Variants in ZNF777 observed in about 807,000 individuals in gnomAD.
ZNF777 encodes the protein zinc finger protein 777.
In ZNF777, 7 loss-of-function variants were observed where a neutral mutation model predicts 72.1. The observed-to-expected ratio is 0.10, with a 90% CI of 0.06 to 0.18. The LOEUF (loss-of-function observed/expected upper bound fraction) is 0.18. Ranked by LOEUF, ZNF777 falls within the 10% of genes least tolerant of loss-of-function variation. The pLI is 1.00. For missense variants in ZNF777, 828 were observed against 1,128.6 expected, an observed-to-expected ratio of 0.73 and a Z score of 3.82; for synonymous variants, 545 against 483.5, an observed-to-expected ratio of 1.13 and a Z score of -1.67.
chr7:149,433,041 G>C, intron 5 of ZNF777, 109 bp from the exon 6 acceptor site: 1 of 1,396,050 alleles, frequency 7.2e-7, no homozygotes, highest in South Asian at 1.8e-5. Context: ...TGCATTATTG[G>C]CCCAAATTCC....
At chr7:149,446,054 C>T (rs1046906512) in intron 4 of ZNF777, among the ~76,000 whole-genome samples, 2 of 152,164 alleles carry the variant, frequency 1.3e-5, no homozygotes, top group African/African-American at 4.8e-5. Flanking sequence ...TGCTGTTTCT[C>T]CTTTCTTTTT....
chr7:149,447,596 C>G (rs1036770386), intron 4 of ZNF777, among the ~76,000 whole-genome samples: 1 of 152,218 alleles, frequency 6.6e-6, no homozygotes, highest in African/African-American at 2.4e-5. Context: ...AGCCACTTCT[C>G]TCTCAGGGCG....
intron 5 of ZNF777, 26 bp from the exon 6 acceptor site, chr7:149,432,958 T>C (rs765861272): frequency 1.7e-5 from 25 of 1,452,610 alleles, no homozygotes; most frequent in Non-Finnish European, 2.3e-5. Context: ...AGAGAGAAAG[T>C]CGTTAGCTGC....
At chr7:149,445,121 TC>T (rs1799581176) in intron 4 of ZNF777, among the ~76,000 whole-genome samples, 1 of 152,166 alleles carries the variant, frequency 6.6e-6, no homozygotes, top group Non-Finnish European at 1.5e-5. Flanking sequence ...GTGCTTATCC[TC>T]CAACACTGCT....
Position 149,432,469 on chromosome 7 carries a change from G to C in ZNF777, c.1803C>G (p.Gly601=). 1.9e-6 allele frequency: 3 copies of C among 1,613,684 alleles called. No homozygotes were observed. The Admixed American group carries it at 5.0e-5, about 27-fold the overall frequency. Residue 601 remains glycine, a synonymous_variant, in exon 6 of 6, where the codon GGC becomes GGG. Coordinates refer to ENST00000247930, the MANE Select transcript of ZNF777 (RefSeq NM_015694.3). ...LHQRIHRVRG[G]CVSPERGPTF... ...TGGGCCCGCGTTCGGGTGAGACGCA[G>C]CCTCCGCGCACGCGGTGGATGCGCT... is the stretch of plus-strand genomic sequence containing the variant.
intron 3 of ZNF777, among the ~76,000 whole-genome samples, chr7:149,451,833 A>G (rs1038293543): frequency 6.6e-6 from 1 of 152,256 alleles, no homozygotes; most frequent in South Asian, 2.1e-4. Context: ...AATATTATAC[A>G]TATATATACA....
intron 1 of ZNF777, among the ~76,000 whole-genome samples, chr7:149,458,187 A>T (rs1799869520): frequency 6.6e-6 from 1 of 152,228 alleles, no homozygotes; most frequent in South Asian, 2.1e-4. Context: ...GTCCTCAAAA[A>T]AGACAAAAGG....
intron 4 of ZNF777, among the ~76,000 whole-genome samples, chr7:149,449,741 T>C (rs976120859): frequency 1.3e-5 from 2 of 152,206 alleles, no homozygotes; most frequent in East Asian, 1.9e-4. Context: ...TGTGCCACAC[T>C]GTCACCAATC....
intron 1 of ZNF777, 93 bp from the exon 2 acceptor site, chr7:149,456,130 C>T (rs941936645): frequency 7.2e-6 from 10 of 1,391,092 alleles, no homozygotes; most frequent in Non-Finnish European, 8.5e-6. Flanking sequence ...ATAAAAAGTG[C>T]TTCCGTTTGG....
At chr7:149,456,434 G>A (rs750937439) in intron 1 of ZNF777, among the ~76,000 whole-genome samples, 9 of 152,162 alleles carry the variant, frequency 5.9e-5, no homozygotes, top group Non-Finnish European at 1.0e-4. Flanking sequence ...TTAGTGTCCT[G>A]TGTCCTCATC....
In ZNF777 at chr7:149,448,510, T is replaced by TATATATATATATATATAA. The variant is rs1351675498; in HGVS notation, c.1087+2488_1087+2489insTTATATATATATATATAT. ...CTATATATATATATATATATATATATAACTATATATAGTTATACATATAGT... is the reference window on the plus strand; with the variant it reads ...CTATATATATATATATATATATATATATATATATATATATATAAAACTATATATAGTTATACATATAGT... On this transcript the variant is annotated intron_variant, in intron 4 of 5. Coordinates refer to ENST00000247930, the MANE Select transcript of ZNF777 (RefSeq NM_015694.3). 4.3e-3 allele frequency among the ~76,000 whole-genome samples: 525 copies of TATATATATATATATATAA among 122,256 alleles called. 23 individuals are homozygous for TATATATATATATATATAA. The highest frequency in any genetic ancestry group is 0.016 in the African/African-American group (408 of 26,286). The allele number at this position is 122,256 out of a possible 152,430, so 80.2% of individuals were successfully genotyped here.
intron 4 of ZNF777, 84 bp downstream of exon 4, chr7:149,450,915 T>C: frequency 2.4e-6 from 3 of 1,266,242 alleles, no homozygotes; most frequent in Non-Finnish European, 3.4e-6. Flanking sequence ...AGGGCCTACC[T>C]TGGATTGTGC....
At chr7:149,439,275 G>A (rs768908240) in intron 4 of ZNF777, among the ~76,000 whole-genome samples, 1 of 151,994 alleles carries the variant, frequency 6.6e-6, no homozygotes, top group Non-Finnish European at 1.5e-5. Flanking sequence ...ACATGACCAC[G>A]ACTCTAGCAT....
chr7:149,431,857 G>C lies in ZNF777; in HGVS notation c.2415C>G (p.Pro805=), dbSNP rs1250483205. Residue 805 remains proline, a synonymous_variant, in exon 6 of 6, where the codon CCC becomes CCG. Transcript: ENST00000247930. The part of the protein sequence containing the change: ...EHQRAHTGER[P]YPCTHCAKCF... Reference sequence around the variant, plus strand: ...ACTTGGCGCAGTGCGTGCAGGGGTAGGGCCGCTCGCCCGTGTGCGCGCGCT... The same window carrying C: ...ACTTGGCGCAGTGCGTGCAGGGGTACGGCCGCTCGCCCGTGTGCGCGCGCT... 5.0e-6 allele frequency: 8 copies of C among 1,605,302 alleles called. No individual in the cohort carries two copies. The highest frequency in any genetic ancestry group is 6.8e-6 in the Non-Finnish European group (8 of 1,179,336).
intron 4 of ZNF777, among the ~76,000 whole-genome samples, chr7:149,439,113 C>G (rs1387883453): frequency 1.3e-5 from 2 of 152,080 alleles, no homozygotes; most frequent in African/African-American, 4.8e-5. Context: ...AGTAATGTCT[C>G]TCTTCCCTCC....
chr7:149,447,865 T>TG (rs150687723), intron 4 of ZNF777, among the ~76,000 whole-genome samples: 4,715 of 152,160 alleles, frequency 0.031, 115 homozygotes, highest in Non-Finnish European at 0.049. Context: ...CTTTCATCTG[T>TG]GGGGGGTGTT....
Position 149,431,566 on chromosome 7 carries a change from TC to T in ZNF777, c.*209del. On this transcript the variant is annotated 3_prime_UTR_variant, in exon 6 of 6. Coordinates refer to ENST00000247930, the MANE Select transcript of ZNF777 (RefSeq NM_015694.3). ...GAAAGGGTTCCCCAGGTCCGCGCCC[TC>T]CCCCCTGGGGCCCCCGGGGAAACGC... is the stretch of plus-strand genomic sequence containing the variant. 8 of 495,660 alleles carry T rather than the reference TC, an allele frequency of 1.6e-5. No individual in the cohort carries two copies. The highest frequency in any genetic ancestry group is 7.7e-5 in the East Asian group (1 of 12,964). The allele number at this position is 495,660 out of a possible 1,614,324, so 30.7% of individuals were successfully genotyped here. A position where few individuals can be genotyped will look rare whatever the true frequency, so the allele number is the denominator to read the frequency against.
At position 149,460,129 on chromosome 7, in the gene ZNF777, C is replaced by T. The variant is rs1799919813; in HGVS notation, c.-16+686G>A. 1 of 981,194 alleles carries T rather than the reference C, an allele frequency of 1.0e-6. No individual in the cohort carries two copies. Among genetic ancestry groups the T allele is most frequent in the African/African-American group, 1.8e-5 (1 of 56,786 alleles). 60.8% of individuals were successfully genotyped at this position (981,194 alleles called of 1,614,324 possible). ...GCGCGCGGGCCGCCCTCACAGGAGC[C>T]GGGGCCGCCTCGGCCATGGCCCTGC... is the stretch of plus-strand genomic sequence containing the variant. On this transcript the variant is annotated intron_variant, in intron 1 of 5. Transcript: ENST00000247930. The surrounding 1 kb of genome is among the most constrained non-coding windows in gnomAD (Gnocchi z 6.1).
Position 149,431,903 on chromosome 7 carries a change from T to C in ZNF777, c.2369A>G (p.Lys790Arg). ...GCGCTGGTGCTCCAGCAGGTGATGCTTCTGCGTGAAGCGCTTGCCGCACTC... is the reference window on the plus strand; with the variant it reads ...GCGCTGGTGCTCCAGCAGGTGATGCCTCTGCGTGAAGCGCTTGCCGCACTC... ...CAECGKRFTQ[K>R]HHLLEHQRAH... The change falls in exon 6 of 6, where the codon AAG (lysine) becomes AGG (arginine). Residue 790 changes from lysine (K) to arginine (R), a missense_variant. This residue lies in a region of ZNF777 where 49 missense variants were observed against 135.8 expected (regional missense o/e 0.36). Transcript: ENST00000247930. 1 of 1,607,666 alleles carries C rather than the reference T, an allele frequency of 6.2e-7. No homozygotes were observed. Among genetic ancestry groups the C allele is most frequent in the Non-Finnish European group, 8.5e-7 (1 of 1,179,176 alleles).
Sources: gnomAD v4.1 joint callset for allele counts (sites outside exome capture counted in the v4.1 genomes callset) on GRCh38, gnomAD v4.1.1 for gene constraint, gnomAD v4.1.1 regional missense constraint, Gnocchi (gnomAD v3.1) non-coding constraint, MANE v1.5 for transcripts, NCBI Gene and HGNC (gene_info 2026-07-23, HGNC 2026-07-21) for gene names.